Variants in RC3H1 observed in about 807,000 individuals in gnomAD.
The protein encoded by RC3H1 is roquin-1.
Under a neutral mutation model 138.2 loss-of-function variants are expected in RC3H1, and 50 were observed. That is an observed-to-expected ratio of 0.36 (90% CI 0.29 to 0.46). RC3H1 has a LOEUF of 0.46. RC3H1 is among the 20% of genes least tolerant of loss of function. RC3H1 has a pLI of 1.00. For missense variants in RC3H1, 1,031 were observed against 1,388.1 expected, an observed-to-expected ratio of 0.74 and a Z score of 4.09; for synonymous variants, 462 against 489.1, an observed-to-expected ratio of 0.94 and a Z score of 0.73.
chr1:173,985,100 TAAC>T (rs780026663), intron 2 of RC3H1, among the ~76,000 whole-genome samples: 1 of 152,244 alleles, frequency 6.6e-6, no homozygotes, highest in Non-Finnish European at 1.5e-5. Context: ...TTCTTTCACT[TAAC>T]AATGTGTTCA....
intron 4 of RC3H1, 73 bp downstream of exon 4, chr1:173,983,345 T>A: frequency 6.5e-7 from 1 of 1,540,162 alleles, no homozygotes; most frequent in Non-Finnish European, 8.9e-7. Context: ...CTAGGCTTTG[T>A]ACATCACTTA....
intron 1 of RC3H1, among the ~76,000 whole-genome samples, chr1:173,998,535 A>C (rs568380897): frequency 1.7e-4 from 26 of 152,282 alleles, no homozygotes; most frequent in African/African-American, 5.8e-4. Flanking sequence ...ATATATACAC[A>C]TTTTTACACC....
intron 13 of RC3H1, among the ~76,000 whole-genome samples, chr1:173,960,557 G>A (rs1222513735): frequency 6.6e-6 from 1 of 152,186 alleles, no homozygotes; most frequent in Non-Finnish European, 1.5e-5. Context: ...CATGTGGCTA[G>A]TGGCTACCAT....
At chr1:173,971,663 A>C (rs1405324889) in intron 8 of RC3H1, among the ~76,000 whole-genome samples, 4 of 152,196 alleles carry the variant, frequency 2.6e-5, no homozygotes, top group Non-Finnish European at 5.9e-5. Context: ...CAAGATGTCT[A>C]ATGAAACAGA....
intron 11 of RC3H1, 82 bp from the exon 12 acceptor site, chr1:173,962,177 G>GTGTTTCAGTATTTT: frequency 8.1e-7 from 1 of 1,230,884 alleles, no homozygotes; most frequent in Non-Finnish European, 1.1e-6. Flanking sequence ...TTAAAATACT[G>GTGTTTCAGTATTTT]AAACACTAAA....
intron 1 of RC3H1, among the ~76,000 whole-genome samples, chr1:174,017,673 C>T (rs973756413): frequency 6.7e-6 from 1 of 150,322 alleles, no homozygotes; most frequent in Admixed American, 6.7e-5. Context: ...TATAAAGTGC[C>T]ACCTAAACTG....
chr1:173,960,527 T>C (rs1225509681), intron 13 of RC3H1, among the ~76,000 whole-genome samples: 3 of 152,220 alleles, frequency 2.0e-5, no homozygotes, highest in Non-Finnish European at 4.4e-5. Context: ...ACTGGCCACA[T>C]ATTACATGTT....
chr1:173,946,779 T>C lies in RC3H1; in HGVS notation c.2795A>G (p.Gln932Arg). The change falls in exon 16 of 20, where the codon CAA becomes CGA. Residue 932 changes from glutamine to arginine, a missense_variant. Gln to Arg is a conservative substitution (Grantham distance 43, BLOSUM62 1). Around this residue, in one of 7 missense-constraint regions of RC3H1, gnomAD observed 716 missense variants for 837.9 expected, o/e 0.85. Transcript: ENST00000367696. ...GWGASPYSPH[Q>R]NIPSQGHFSE... ...GAAGTGTCCCTGAGAAGGTATGTTT[T>C]GATGAGGTGAATATGGAGAAGCTCC... 2 of 1,614,018 alleles carry C rather than the reference T, an allele frequency of 1.2e-6. No individual in the cohort carries two copies. The highest frequency in any genetic ancestry group is 8.5e-7 in the Non-Finnish European group (1 of 1,179,864).
Position 173,961,237 on chromosome 1 carries a change from G to C in RC3H1, c.2210C>G (p.Pro737Arg). ...QIRPSYLREP[P>R]YSRLPPPPQP... ...GGGAGGAGGAGGAAGCCGGCTATAA[G>C]GAGGTTCCTAAAAATAGAAAGATTA... The change falls in exon 13 of 20, where the codon CCT becomes CGT. Residue 737 changes from proline to arginine, a missense_variant. Physicochemically the swap from Pro to Arg is moderately radical, Grantham distance 103. Transcript: ENST00000367696. The C allele has an allele frequency of 6.2e-7, 1 of 1,605,234 alleles. No homozygotes were observed. Among genetic ancestry groups the C allele is most frequent in the Non-Finnish European group, 8.5e-7 (1 of 1,177,674 alleles).
At chr1:173,947,289 G>T in intron 15 of RC3H1, 80 bp downstream of exon 15, 1 of 930,422 alleles carries the variant, frequency 1.1e-6, no homozygotes, top group Non-Finnish European at 1.7e-6. Flanking sequence ...TAAAAACACT[G>T]ATAGTAAATG....
In RC3H1 at chr1:173,931,987, A is replaced by T. The variant is rs142767587; in HGVS notation, c.*6734T>A. The T allele has an allele frequency of 2.0e-5, 3 of 152,266 alleles. No individual in the cohort carries two copies. Among genetic ancestry groups the T allele is most frequent in the African/African-American group, 7.2e-5 (3 of 41,556 alleles). 9.4% of individuals were successfully genotyped at this position (152,266 alleles called of 1,614,324 possible). A position where few individuals can be genotyped will look rare whatever the true frequency, so the allele number is the denominator to read the frequency against. ...GGCAATAAAAAAACAAAAAAATGCA[A>T]GAAAACTTTAAAAAATGGTAAGTCT... On this transcript the variant is annotated 3_prime_UTR_variant, in exon 20 of 20. Coordinates refer to ENST00000367696, the MANE Select transcript of RC3H1 (RefSeq NM_172071.4).
At chr1:174,004,238 A>C (rs1453753925) in intron 1 of RC3H1, among the ~76,000 whole-genome samples, 1 of 151,652 alleles carries the variant, frequency 6.6e-6, no homozygotes, top group Non-Finnish European at 1.5e-5. Context: ...CAGCCTCCCA[A>C]GTAGCCAGGA....
Position 173,937,000 on chromosome 1 carries a change from C to T in RC3H1, c.*1721G>A, listed in dbSNP as rs1658633580. 6.7e-6 allele frequency: 1 copy of T among 149,460 alleles called. No homozygotes were observed. The allele number at this position is 149,460 out of a possible 1,614,324, so 9.3% of individuals were successfully genotyped here. ...TTTAAATAAAAAAGAAAGCTCGAAT[C>T]CCAAGCCAATATGTGTATATCAAAT... On this transcript the variant is annotated 3_prime_UTR_variant, in exon 20 of 20. Coordinates refer to ENST00000367696, the MANE Select transcript of RC3H1 (RefSeq NM_172071.4).
chr1:173,993,610 C>T (rs1661383676), intron 1 of RC3H1, among the ~76,000 whole-genome samples: 1 of 151,844 alleles, frequency 6.6e-6, no homozygotes, highest in Non-Finnish European at 1.5e-5. Context: ...TCAGGCTGGT[C>T]TTGAACTCCT....
Position 173,964,859 on chromosome 1 carries a change from A to G in RC3H1, c.1596T>C (p.Ala532=), listed in dbSNP as rs997807189. Residue 532 remains alanine (A), a synonymous_variant, in exon 10 of 20, where the codon GCT becomes GCC. Coordinates refer to ENST00000367696, the MANE Select transcript of RC3H1 (RefSeq NM_172071.4). ...PGKIDHLSSS[A]PGSPPDLLES... ...CGTACAGGTCAGGAGGGGATCCAGG[A>G]GCACTACTGCTCAGATGATCTATTT... is the stretch of plus-strand genomic sequence containing the variant. 1.2e-6 allele frequency: 2 copies of G among 1,614,184 alleles called. No homozygotes were observed. Among genetic ancestry groups the G allele is most frequent in the Non-Finnish European group, 8.5e-7 (1 of 1,180,016 alleles).
chr1:173,989,775 G>A (rs918926527), intron 2 of RC3H1, among the ~76,000 whole-genome samples: 11 of 140,118 alleles, frequency 7.9e-5, no homozygotes, highest in East Asian at 2.1e-4. Flanking sequence ...GCCGGATTGC[G>A]GACTGCAGTG....
In RC3H1 at chr1:173,943,446, C is replaced by A. The variant is rs772875245; in HGVS notation, c.3131G>T (p.Ser1044Ile). ...REIGKRTRELSMENQCSLDMK... is the reference protein window; with the variant it reads ...REIGKRTRELIMENQCSLDMK... ...TTTCCCCACCATAACACTCACCATA[C>A]TCAGTTCCCGTGTTCTCTTCCCGAT... The change falls in exon 18 of 20, where the codon AGT becomes ATT. Residue 1044 changes from serine (S) to isoleucine (I), a missense_variant. Ser to Ile is a moderately radical substitution (Grantham distance 142). This residue lies in a region of RC3H1 where 716 missense variants were observed against 837.9 expected (regional missense o/e 0.85). Coordinates refer to ENST00000367696, the MANE Select transcript of RC3H1 (RefSeq NM_172071.4). 1.9e-6 allele frequency: 3 copies of A among 1,612,048 alleles called. No homozygotes were observed. Among genetic ancestry groups the A allele is most frequent in the Non-Finnish European group, 1.7e-6 (2 of 1,178,934 alleles).
chr1:174,018,491 T>C lies in RC3H1; in HGVS notation c.-151+3605A>G, dbSNP rs1176585418. Among the ~76,000 whole-genome samples the C allele has an allele frequency of 2.6e-5, 4 of 152,262 alleles. No homozygotes were observed. The East Asian group carries it at 5.8e-4, about 22-fold the overall frequency. Reference sequence around the variant, plus strand: ...ATTGGTAAATGTCACACTTCAAAAATAGAAGGAATCTACCTTAAGAAACTC... The same window carrying C: ...ATTGGTAAATGTCACACTTCAAAAACAGAAGGAATCTACCTTAAGAAACTC... On this transcript the variant is annotated intron_variant, in intron 1 of 19. Coordinates refer to ENST00000367696, the MANE Select transcript of RC3H1 (RefSeq NM_172071.4).
At chr1:174,001,715 G>A (rs553012431) in intron 1 of RC3H1, among the ~76,000 whole-genome samples, 56 of 152,262 alleles carry the variant, frequency 3.7e-4, no homozygotes, top group African/African-American at 1.3e-3. Flanking sequence ...ATAGGCATGA[G>A]CCACCACGCC....
Sources: gnomAD v4.1 joint callset for allele counts (sites outside exome capture counted in the v4.1 genomes callset) on GRCh38, gnomAD v4.1.1 for gene constraint, gnomAD v4.1.1 regional missense constraint, MANE v1.5 for transcripts, NCBI Gene and HGNC (gene_info 2026-07-23, HGNC 2026-07-21) for gene names.